The following NTN1 variants were observed in gnomAD, a reference collection of about 807,000 sequenced individuals.
NTN1 encodes the protein netrin-1.
In NTN1, 11 loss-of-function variants were observed where a neutral mutation model predicts 54.2. The ratio of observed to expected loss-of-function variants is 0.20; its 90% CI spans 0.13 to 0.34. The LOEUF (loss-of-function observed/expected upper bound fraction) is 0.34. Ranked by LOEUF, NTN1 falls within the 10% of genes least tolerant of loss-of-function variation. The pLI is 1.00. For synonymous variants in NTN1, 371 were observed against 382.0 expected (o/e 0.97, Z 0.33); for missense variants, 740 against 893.1 (o/e 0.83, Z 2.18).
At chr17:9,121,761 A>T (rs1482826124) in intron 2 of NTN1, among the ~76,000 whole-genome samples, 1 of 151,656 alleles carries the variant, frequency 6.6e-6, no homozygotes, top group Non-Finnish European at 1.5e-5. Flanking sequence ...AGTTGAACTG[A>T]CTCCTTGGAT....
At chr17:9,200,885 A>C (rs1296100585) in intron 5 of NTN1, among the ~76,000 whole-genome samples, 1 of 152,212 alleles carries the variant, frequency 6.6e-6, no homozygotes, top group Non-Finnish European at 1.5e-5. Flanking sequence ...GCAGATACCA[A>C]CATAACCTTT....
At chr17:9,048,185 G>C (rs1195369039) in intron 2 of NTN1, among the ~76,000 whole-genome samples, 1 of 152,156 alleles carries the variant, frequency 6.6e-6, no homozygotes, top group African/African-American at 2.4e-5. Context: ...TTACTCCTTG[G>C]TCCATGGGCT....
At chr17:9,213,282 G>A (rs1376818357) in intron 5 of NTN1, among the ~76,000 whole-genome samples, 1 of 152,230 alleles carries the variant, frequency 6.6e-6, no homozygotes, top group Non-Finnish European at 1.5e-5. Flanking sequence ...AGCCCTGGCA[G>A]CTTCTGTCTC....
chr17:9,158,986 G>A (rs190907073), intron 2 of NTN1, among the ~76,000 whole-genome samples: 1 of 152,174 alleles, frequency 6.6e-6, no homozygotes, highest in Non-Finnish European at 1.5e-5. Flanking sequence ...AATGACTAAT[G>A]GGTGAGTGAC....
At chr17:9,063,298 A>T (rs968096691) in intron 2 of NTN1, among the ~76,000 whole-genome samples, 7 of 151,990 alleles carry the variant, frequency 4.6e-5, no homozygotes, top group African/African-American at 1.7e-4. Flanking sequence ...GGGTTTCATC[A>T]TGTTGGCCAG....
intron 4 of NTN1, among the ~76,000 whole-genome samples, chr17:9,181,917 T>C (rs961081496): frequency 1.3e-5 from 2 of 152,186 alleles, no homozygotes; most frequent in Admixed American, 1.3e-4. Context: ...CCGCCTCTCT[T>C]TTCTTGAGCA....
At chr17:9,154,212 C>T (rs1270320588) in intron 2 of NTN1, among the ~76,000 whole-genome samples, 1 of 152,222 alleles carries the variant, frequency 6.6e-6, no homozygotes, top group Non-Finnish European at 1.5e-5. Context: ...TTAACCAGAC[C>T]TTAGCATGCC....
intron 2 of NTN1, among the ~76,000 whole-genome samples, chr17:9,039,924 A>G (rs913766162): frequency 3.3e-5 from 5 of 152,154 alleles, no homozygotes; most frequent in Non-Finnish European, 7.4e-5. Context: ...GTTTTTGGCT[A>G]TTACAGGTAA....
At chr17:9,222,848 G>A (rs1310594460) in intron 6 of NTN1, among the ~76,000 whole-genome samples, 2 of 152,202 alleles carry the variant, frequency 1.3e-5, no homozygotes, top group Non-Finnish European at 2.9e-5. Flanking sequence ...GGTATCTAAA[G>A]GAATCTGGAG....
At chr17:9,154,764 C>T (rs907629115) in intron 2 of NTN1, among the ~76,000 whole-genome samples, 2 of 152,214 alleles carry the variant, frequency 1.3e-5, no homozygotes, top group African/African-American at 4.8e-5. Flanking sequence ...CAGACTACCT[C>T]AAACTCTTAA....
At chr17:9,168,965 G>A (rs1384464206) in intron 3 of NTN1, among the ~76,000 whole-genome samples, 1 of 152,180 alleles carries the variant, frequency 6.6e-6, no homozygotes, top group Non-Finnish European at 1.5e-5. Context: ...GGCCAGGTAA[G>A]GTTAGTACCT....
chr17:9,032,052 T>C (rs1431601721), intron 2 of NTN1, among the ~76,000 whole-genome samples: 1 of 152,006 alleles, frequency 6.6e-6, no homozygotes, highest in African/African-American at 2.4e-5. Context: ...TCAAGGAGGC[T>C]GTGCACGTGA....
intron 2 of NTN1, among the ~76,000 whole-genome samples, chr17:9,096,937 A>G (rs939872864): frequency 6.6e-6 from 1 of 152,196 alleles, no homozygotes. Context: ...ACATTCTGTC[A>G]TACAGTCATA....
chr17:9,163,023 G>T (rs563402359), intron 3 of NTN1, 22 bp downstream of exon 3: 3 of 1,569,596 alleles, frequency 1.9e-6, no homozygotes, highest in Non-Finnish European at 1.7e-6. Flanking sequence ...GTGGCGGGGC[G>T]GGGGGCTGGG....
chr17:9,014,503 GA>G, the NTN1 span, among the ~76,000 whole-genome samples: 1 of 152,130 alleles, frequency 6.6e-6, no homozygotes, highest in Non-Finnish European at 1.5e-5. Flanking sequence ...ATTTCACCAT[GA>G]AAAAAATGGA....
At chr17:9,076,819 T>C (rs1764252489) in intron 2 of NTN1, among the ~76,000 whole-genome samples, 1 of 152,246 alleles carries the variant, frequency 6.6e-6, no homozygotes, top group Admixed American at 6.5e-5. Context: ...CAGTCAGTTA[T>C]TTTTAACTCC....
rs749945444 is a variant in NTN1 at position 9,162,790 on chromosome 17, CCTCT to C, written c.1019-18_1019-15del. 20 of 1,590,422 alleles carry C rather than the reference CCTCT, an allele frequency of 1.3e-5. No homozygotes were observed. The East Asian group carries it at 1.4e-4, about 11-fold the overall frequency. ...CCTCCCCGCGCCCCTGCGGCTGACA[CCTCT>C]CTCTGTCTCCCCCTGCAGCCTGTAA... On this transcript the variant is annotated intron_variant, in intron 2 of 6. Transcript: ENST00000173229.
At chr17:9,149,438 C>T (rs1402131347) in intron 2 of NTN1, among the ~76,000 whole-genome samples, 1 of 152,150 alleles carries the variant, frequency 6.6e-6, no homozygotes, top group Non-Finnish European at 1.5e-5. Context: ...TTCCAGCAGC[C>T]ACAGGGTTTT....
At chr17:9,016,550 T>A (rs1039047169), upstream of NTN1, among the ~76,000 whole-genome samples, 1 of 152,204 alleles carries the variant, frequency 6.6e-6, no homozygotes, top group Non-Finnish European at 1.5e-5. Flanking sequence ...TAGGGGCAAC[T>A]AGGCAACTAA....
Sources: gnomAD v4.1 joint callset for allele counts (sites outside exome capture counted in the v4.1 genomes callset) on GRCh38, gnomAD v4.1.1 for gene constraint, MANE v1.5 for transcripts, NCBI Gene and HGNC (gene_info 2026-07-23, HGNC 2026-07-21) for gene names.